The following RIC3 variants were observed in gnomAD, a reference collection of about 807,000 sequenced individuals.
RIC3 encodes protein RIC-3.
A neutral mutation model predicts 27.3 loss-of-function variants in RIC3; 28 were observed. The observed-to-expected ratio is 1.02, with a 90% confidence interval of 0.76 to 1.41. The LOEUF is 1.41. Among genes scored for constraint, RIC3 ranks in the 40% most tolerant of loss-of-function variants. The probability of loss-of-function intolerance (pLI) is 0.00; values close to 1 mark genes in which losing one functional copy is unlikely to be tolerated. For synonymous variants in RIC3, 184 were observed against 160.4 expected (o/e 1.15, Z -1.11); for missense variants, 501 against 444.7 (o/e 1.13, Z -1.14).
intron 1 of RIC3, among the ~76,000 whole-genome samples, chr11:8,145,550 T>C (rs908331666): frequency 3.9e-5 from 6 of 152,240 alleles, no homozygotes; most frequent in Admixed American, 2.6e-4. Context: ...CAATCAGCTA[T>C]AGCTGAACAG....
chr11:8,122,864 C>CAA (rs55826618), intron 5 of RIC3, among the ~76,000 whole-genome samples: 1,546 of 62,190 alleles, frequency 0.025, 9 homozygotes, highest in African/African-American at 0.029. Flanking sequence ...ACCAGGTATG[C>CAA]AAAAAAAAAA....
chr11:8,139,636 AT>A (rs72265360), intron 2 of RIC3: 6,392 of 92,716 alleles, frequency 0.069, 83 homozygotes, highest in African/African-American at 0.15. Context: ...AAAGATGTTA[AT>A]TTTTTTTTTT....
chr11:8,116,538 T>A (rs745379470), intron 5 of RIC3, among the ~76,000 whole-genome samples: 4 of 152,174 alleles, frequency 2.6e-5, no homozygotes, highest in Admixed American at 6.5e-5. Flanking sequence ...TGGGTTAATA[T>A]GCAAAATATA....
At chr11:8,129,372 A>G (rs1947404923) in intron 4 of RIC3, among the ~76,000 whole-genome samples, 1 of 152,050 alleles carries the variant, frequency 6.6e-6, no homozygotes, top group African/African-American at 2.4e-5. Context: ...CTCTATAGAA[A>G]AGATGTCCTA....
chr11:8,096,890 C>A, the RIC3 span: 1 of 1,500,308 alleles, frequency 6.7e-7, no homozygotes, highest in Non-Finnish European at 9.3e-7. Flanking sequence ...GAGATGGACT[C>A]GTATGCCTTT....
Position 8,169,001 on chromosome 11 carries a change from G to C in RIC3, c.-12C>G. The C allele has an allele frequency of 1.3e-6, 2 of 1,563,282 alleles. No homozygotes were observed. The highest frequency in any genetic ancestry group is 2.0e-5 in the Admixed American group (1 of 50,506). ...GTGGAGTACGCCATGACTGCTCACGGTGGTCGCAGGTGCAGACGCCAGCCG... is the reference window on the plus strand; with the variant it reads ...GTGGAGTACGCCATGACTGCTCACGCTGGTCGCAGGTGCAGACGCCAGCCG... On this transcript the variant is annotated 5_prime_UTR_variant, in exon 1 of 6. Coordinates refer to ENST00000309737, the MANE Select transcript of RIC3 (RefSeq NM_001206671.4).
chr11:8,095,025 T>A, the RIC3 span, among the ~76,000 whole-genome samples: 1 of 152,224 alleles, frequency 6.6e-6, no homozygotes, highest in South Asian at 2.1e-4. Flanking sequence ...CCAATTGCAA[T>A]CTTTCTCAAG....
rs979196392 is a variant in RIC3 at position 8,110,744 on chromosome 11, T to A, written c.1064A>T (p.Tyr355Phe). 1.2e-6 allele frequency: 2 copies of A among 1,614,148 alleles called. No individual in the cohort carries two copies. The highest frequency in any genetic ancestry group is 1.7e-6 in the Non-Finnish European group (2 of 1,180,060). ...EGLGISTDKAYTGSMLRKRNP... is the reference protein window; with the variant it reads ...EGLGISTDKAFTGSMLRKRNP... Reference sequence around the variant, plus strand: ...ACGCTTCCTCAGCATGCTGCCTGTATATGCTTTATCGGTGCTGATGCCCAA... The same window carrying A: ...ACGCTTCCTCAGCATGCTGCCTGTAAATGCTTTATCGGTGCTGATGCCCAA... Residue 355 changes from tyrosine (Y) to phenylalanine (F), a missense_variant, in exon 6 of 6, where the codon TAT becomes TTT. Coordinates refer to ENST00000309737, the MANE Select transcript of RIC3 (RefSeq NM_001206671.4).
chr11:8,097,815 C>T, the RIC3 span: 4 of 1,613,094 alleles, frequency 2.5e-6, no homozygotes, highest in South Asian at 1.1e-5. Context: ...ACAGCTATAT[C>T]GGGAAACTGC....
At chr11:8,103,091 G>A (rs1160076195), downstream of RIC3, 4 of 152,208 alleles carry the variant, frequency 2.6e-5, no homozygotes, top group African/African-American at 7.2e-5. Flanking sequence ...GCCCCTCCGC[G>A]AGGGCTACTC....
downstream of RIC3, chr11:8,101,692 G>A (rs1449285124): frequency 6.4e-7 from 1 of 1,572,726 alleles, no homozygotes; most frequent in Non-Finnish European, 8.6e-7. Context: ...AGACAGCCCT[G>A]CCTATCCTCT....
At chr11:8,132,654 G>C (rs983519350) in intron 4 of RIC3, among the ~76,000 whole-genome samples, 1 of 152,140 alleles carries the variant, frequency 6.6e-6, no homozygotes, top group African/African-American at 2.4e-5. Flanking sequence ...CCATATTTCT[G>C]TTCTTACTTA....
chr11:8,131,900 CAAAAAAAAA>C (rs796158730), intron 4 of RIC3, among the ~76,000 whole-genome samples: 1 of 26,176 alleles, frequency 3.8e-5, no homozygotes, highest in Non-Finnish European at 7.5e-5. Flanking sequence ...GACTCCATCT[CAAAAAAAAA>C]AAAAAAAAAA....
intron 1 of RIC3, among the ~76,000 whole-genome samples, chr11:8,148,239 C>A (rs1026052117): frequency 8.0e-5 from 12 of 150,226 alleles, no homozygotes; most frequent in African/African-American, 2.2e-4. Context: ...GGGTCAGCAA[C>A]AGAAGCACAG....
intron 4 of RIC3, among the ~76,000 whole-genome samples, chr11:8,128,750 CTTTTTTTTTT>C (rs1177448703): frequency 4.5e-5 from 4 of 88,502 alleles, no homozygotes; most frequent in Non-Finnish European, 8.5e-5. Flanking sequence ...GTTGCAAAAA[CTTTTTTTTTT>C]TTTTTTTTTT....
chr11:8,147,396 T>C (rs1267506763), intron 1 of RIC3, among the ~76,000 whole-genome samples: 1 of 152,078 alleles, frequency 6.6e-6, no homozygotes, highest in Non-Finnish European at 1.5e-5. Flanking sequence ...TGTTCACACT[T>C]ATCAGACTTA....
At chr11:8,126,273 AT>A (rs1590149045) in intron 5 of RIC3, among the ~76,000 whole-genome samples, 1 of 152,328 alleles carries the variant, frequency 6.6e-6, no homozygotes, top group East Asian at 1.9e-4. Context: ...CAAGAAAAAA[AT>A]TTCAGATACA....
chr11:8,138,521 C>T (rs995210523), intron 2 of RIC3, 174 bp from the exon 3 acceptor site: 3 of 517,098 alleles, frequency 5.8e-6, no homozygotes, highest in Non-Finnish European at 1.0e-5. Context: ...GATGAGGTTT[C>T]CAAGTAAAAA....
intron 1 of RIC3, among the ~76,000 whole-genome samples, chr11:8,151,533 T>A (rs1590332720): frequency 8.4e-6 from 1 of 119,546 alleles, no homozygotes; most frequent in South Asian, 2.9e-4. Context: ...TTGCAGTGAG[T>A]CGAGATCGCG....
Sources: allele counts gnomAD v4.1 joint callset (sites outside exome capture counted in the v4.1 genomes callset), GRCh38; gene constraint gnomAD v4.1.1; transcripts MANE v1.5; gene names NCBI Gene and HGNC (gene_info 2026-07-23, HGNC 2026-07-21).